PDE1C: variants seen among roughly 807,000 people sequenced by gnomAD.
The protein encoded by PDE1C is phosphodiesterase 1C.
In PDE1C, 62 loss-of-function variants were observed where a neutral mutation model predicts 93.1. The ratio of observed to expected loss-of-function variants is 0.67; its 90% CI spans 0.54 to 0.82. The LOEUF is 0.82. Among genes scored for constraint, PDE1C ranks in the 40% least tolerant of loss-of-function variants. PDE1C has a pLI of 0.00. For synonymous variants in PDE1C, 325 were observed against 310.1 expected (o/e 1.05, Z -0.50); for missense variants, 742 against 884.6 (o/e 0.84, Z 2.04).
chr7:31,816,249 A>C lies in PDE1C; in HGVS notation c.1583-95T>G, dbSNP rs1026956048. The stretch of plus-strand genomic sequence containing the variant: ...TGTTTTAGTACACAAAGAGTATCTA[A>C]GGTGTTTACTGAGTGTTTGGGTACA... On this transcript the variant is annotated intron_variant, in intron 14 of 17. Transcript: ENST00000396191. 10 of 1,136,444 alleles carry C rather than the reference A, an allele frequency of 8.8e-6. No homozygotes were observed. In the Admixed American group the frequency reaches 1.4e-4, roughly 15 times the overall value. The allele number at this position is 1,136,444 out of a possible 1,614,324, so 70.4% of individuals were successfully genotyped here.
intron 2 of PDE1C, among the ~76,000 whole-genome samples, chr7:31,959,548 A>G (rs1310422492): frequency 6.6e-6 from 1 of 152,184 alleles, no homozygotes; most frequent in Non-Finnish European, 1.5e-5. Context: ...CAATAATTAT[A>G]AAGATAATCC....
intron 3 of PDE1C, among the ~76,000 whole-genome samples, chr7:32,079,606 C>G (rs753882070): frequency 6.6e-6 from 1 of 152,178 alleles, no homozygotes; most frequent in Non-Finnish European, 1.5e-5. Flanking sequence ...TGGTTTCACT[C>G]ACATGTCTGG....
At chr7:32,022,443 T>G (rs983637169) in intron 2 of PDE1C, among the ~76,000 whole-genome samples, 18 of 151,920 alleles carry the variant, frequency 1.2e-4, no homozygotes, top group African/African-American at 3.4e-4. Context: ...GAAGAACAGG[T>G]AGATTTCAGA....
intron 2 of PDE1C, among the ~76,000 whole-genome samples, chr7:32,026,208 G>A (rs1261950886): frequency 1.3e-5 from 2 of 152,072 alleles, no homozygotes; most frequent in African/African-American, 2.4e-5. Flanking sequence ...AATTTTTTCT[G>A]GCTTAGACTC....
intron 2 of PDE1C, among the ~76,000 whole-genome samples, chr7:32,182,408 C>T (rs988920808): frequency 1.1e-4 from 17 of 152,178 alleles, no homozygotes; most frequent in African/African-American, 3.6e-4. Context: ...CAATAAAATA[C>T]TGGCAAACCG....
intron 1 of PDE1C, among the ~76,000 whole-genome samples, chr7:32,348,841 T>C (rs1038012512): frequency 6.6e-6 from 1 of 152,202 alleles, no homozygotes; most frequent in Non-Finnish European, 1.5e-5. Flanking sequence ...GAGTGGGCCC[T>C]GTTCTGTACA....
chr7:31,685,258 G>T, the PDE1C span, among the ~76,000 whole-genome samples: 1 of 152,188 alleles, frequency 6.6e-6, no homozygotes, highest in Non-Finnish European at 1.5e-5. Context: ...GGAGCAGGAG[G>T]TTAGGAAGGA....
intron 17 of PDE1C, among the ~76,000 whole-genome samples, chr7:31,766,174 G>C (rs1433961045): frequency 6.6e-6 from 1 of 152,112 alleles, no homozygotes; most frequent in African/African-American, 2.4e-5. Flanking sequence ...CACGAGGTCA[G>C]GAGATCGAGA....
chr7:32,063,881 C>T (rs1383935710), intron 1 of PDE1C, among the ~76,000 whole-genome samples: 1 of 152,152 alleles, frequency 6.6e-6, no homozygotes, highest in East Asian at 1.9e-4. Flanking sequence ...TAAGACGTAT[C>T]TTGTTTCCCT....
intron 6 of PDE1C, 66 bp downstream of exon 6, chr7:31,873,226 A>G: frequency 1.0e-6 from 1 of 981,980 alleles, no homozygotes; most frequent in Non-Finnish European, 1.6e-6. Context: ...TCTGAACCCA[A>G]AAGTCATATG....
the PDE1C span, among the ~76,000 whole-genome samples, chr7:31,625,867 A>T: frequency 2.0e-5 from 3 of 152,184 alleles, no homozygotes; most frequent in African/African-American, 7.2e-5. Flanking sequence ...AAATGCTTAA[A>T]ATAAAGTGAT....
chr7:31,642,785 C>T, the PDE1C span: 16 of 1,613,842 alleles, frequency 9.9e-6, no homozygotes, highest in East Asian at 6.7e-5. Context: ...CAGCTAGAGT[C>T]GGATGGGCCA....
At chr7:31,987,950 G>C (rs903836830) in intron 2 of PDE1C, among the ~76,000 whole-genome samples, 2 of 152,154 alleles carry the variant, frequency 1.3e-5, no homozygotes, top group African/African-American at 4.8e-5. Flanking sequence ...ATGGGCCATC[G>C]CTGGCTCTCT....
intron 3 of PDE1C, among the ~76,000 whole-genome samples, chr7:32,080,614 C>T (rs1041012765): frequency 1.3e-4 from 20 of 152,158 alleles, no homozygotes; most frequent in Non-Finnish European, 8.8e-5. Flanking sequence ...CTTGCACCCT[C>T]CAGATAAGTG....
intron 7 of PDE1C, 98 bp from the exon 8 acceptor site, chr7:31,850,839 G>C: frequency 1.2e-6 from 1 of 833,252 alleles, no homozygotes; most frequent in Non-Finnish European, 2.1e-6. Flanking sequence ...CTACCCTGCA[G>C]CTGGTAAGCT....
At chr7:31,662,179 G>A in the PDE1C span, among the ~76,000 whole-genome samples, 1 of 152,186 alleles carries the variant, frequency 6.6e-6, no homozygotes, top group Non-Finnish European at 1.5e-5. Flanking sequence ...CACCCTGGAA[G>A]GGAATATGGT....
the PDE1C span, among the ~76,000 whole-genome samples, chr7:31,647,195 A>G: frequency 6.6e-5 from 10 of 152,376 alleles, no homozygotes; most frequent in Non-Finnish European, 1.3e-4. Context: ...ATGCAGCAAC[A>G]TCTACTAAGA....
At chr7:32,059,485 C>T (rs1192468029) in intron 1 of PDE1C, among the ~76,000 whole-genome samples, 2 of 152,174 alleles carry the variant, frequency 1.3e-5, no homozygotes, top group African/African-American at 4.8e-5. Context: ...CCTCCCAAAG[C>T]AAGCCCCACT....
chr7:31,800,063 T>TTGTA (rs1785804067), intron 16 of PDE1C, among the ~76,000 whole-genome samples: 1 of 151,696 alleles, frequency 6.6e-6, no homozygotes, highest in Non-Finnish European at 1.5e-5. Flanking sequence ...TATTTGCTAG[T>TTGTA]TGTATATCTT....
Sources: allele counts gnomAD v4.1 joint callset (sites outside exome capture counted in the v4.1 genomes callset), GRCh38; gene constraint gnomAD v4.1.1; transcripts MANE v1.5; gene names NCBI Gene and HGNC (gene_info 2026-07-23, HGNC 2026-07-21).